The following ZNF844 variants were observed in gnomAD, a reference collection of about 807,000 sequenced individuals.
The protein encoded by ZNF844 is zinc finger protein 844.
Under a neutral mutation model 11.4 loss-of-function variants are expected in ZNF844, and 11 were observed. The observed-to-expected ratio is 0.97, with a 90% CI of 0.61 to 1.60. The LOEUF (loss-of-function observed/expected upper bound fraction) is 1.60, where lower values mean the gene tolerates loss of function less well. Among genes scored for constraint, ZNF844 ranks in the 40% most tolerant of loss-of-function variants. The pLI is 0.00. For synonymous variants in ZNF844, 248 were observed against 260.3 expected (o/e 0.95, Z 0.46); for missense variants, 790 against 796.8 (o/e 0.99, Z 0.10).
At chr19:12,069,995 G>T (rs1386412197) in intron 1 of ZNF844, among the ~76,000 whole-genome samples, 1 of 150,448 alleles carries the variant, frequency 6.6e-6, no homozygotes, top group African/African-American at 2.4e-5. Context: ...GGTGGCTCAT[G>T]CCTGTAATCC....
Position 12,075,469 on chromosome 19 carries a change from T to C in ZNF844, c.349T>C (p.Ser117Pro), listed in dbSNP as rs1171464496. 2 of 1,612,842 alleles carry C rather than the reference T, an allele frequency of 1.2e-6. No individual in the cohort carries two copies. The highest frequency in any genetic ancestry group is 1.3e-5 in the African/African-American group (1 of 74,848). ...VCGEVFVGHS[S>P]LNRHIRADTA... ...TGGAGAAGTCTTCGTGGGTCATTCT[T>C]CCCTTAATAGGCACATTAGAGCTGA... Residue 117 changes from serine to proline, a missense_variant, in exon 4 of 4, where the codon TCC becomes CCC. Transcript: ENST00000439326.
intron 1 of ZNF844, among the ~76,000 whole-genome samples, chr19:12,071,549 C>T (rs1352884112): frequency 2.6e-5 from 4 of 152,170 alleles, no homozygotes; most frequent in Non-Finnish European, 2.9e-5. Flanking sequence ...GAGAGGAAAG[C>T]ACTCAATAAC....
chr19:12,067,341 G>A (rs996592897), intron 1 of ZNF844, among the ~76,000 whole-genome samples: 3 of 152,126 alleles, frequency 2.0e-5, no homozygotes, highest in African/African-American at 7.2e-5. Flanking sequence ...GCCGGGTGCA[G>A]TGGCTTACGC....
At chr19:12,074,457 T>A in intron 3 of ZNF844, 36 bp downstream of exon 3, 1 of 1,397,336 alleles carries the variant, frequency 7.2e-7, no homozygotes, top group Non-Finnish European at 9.8e-7. Flanking sequence ...AATGTCTCTC[T>A]AGAAAATCTC....
rs1404522290 is a variant in ZNF844 at position 12,080,495 on chromosome 19, G to A, written c.*3374G>A. On this transcript the variant is annotated 3_prime_UTR_variant, in exon 4 of 4. Coordinates refer to ENST00000439326, the MANE Select transcript of ZNF844 (RefSeq NM_001136501.3). Reference sequence around the variant, plus strand: ...GGAAGTCATCAGTCACATTTTAGAGGCACCAAACAGGTGCCACATCCATAC... The same window carrying A: ...GGAAGTCATCAGTCACATTTTAGAGACACCAAACAGGTGCCACATCCATAC... The A allele has an allele frequency of 4.3e-6, 1 of 235,118 alleles. No homozygotes were observed. The highest frequency in any genetic ancestry group is 1.6e-4 in the East Asian group (1 of 6,398). 14.6% of individuals were successfully genotyped at this position (235,118 alleles called of 1,614,324 possible). A position where few individuals can be genotyped will look rare whatever the true frequency, so the allele number is the denominator to read the frequency against.
intron 1 of ZNF844, among the ~76,000 whole-genome samples, chr19:12,071,708 T>C (rs1975754386): frequency 6.6e-6 from 1 of 151,732 alleles, no homozygotes; most frequent in Non-Finnish European, 1.5e-5. Context: ...TTTTTTTTTT[T>C]TTTTACTTGG....
At chr19:12,069,786 C>T (rs1014065285) in intron 1 of ZNF844, among the ~76,000 whole-genome samples, 5 of 151,470 alleles carry the variant, frequency 3.3e-5, no homozygotes, top group African/African-American at 1.2e-4. Flanking sequence ...GAAACCCCGT[C>T]TCTACTAAAA....
chr19:12,065,563 C>T (rs907380878), intron 1 of ZNF844, among the ~76,000 whole-genome samples: 2 of 151,854 alleles, frequency 1.3e-5, no homozygotes, highest in African/African-American at 4.8e-5. Context: ...AAGACGGAGA[C>T]AGAGTTAGCA....
chr19:12,076,551 T>C lies in ZNF844; in HGVS notation c.1431T>C (p.Asn477=). 3 of 1,609,188 alleles carry C rather than the reference T, an allele frequency of 1.9e-6. No individual in the cohort carries two copies. Among genetic ancestry groups the C allele is most frequent in the Non-Finnish European group, 1.7e-6 (2 of 1,177,898 alleles). Residue 477 remains asparagine, a synonymous_variant, in exon 4 of 4, where the codon AAT becomes AAC. Coordinates refer to ENST00000439326, the MANE Select transcript of ZNF844 (RefSeq NM_001136501.3). ...EGLTLKRNPM[N]VSSVVKPSFF... ...TCACACTCAAGAGAAACCCTATGAA[T>C]GTAAGCAGTGTGGTAAAGCCTTCAT...
At chr19:12,067,223 G>C (rs920653231) in intron 1 of ZNF844, among the ~76,000 whole-genome samples, 3 of 151,518 alleles carry the variant, frequency 2.0e-5, no homozygotes, top group African/African-American at 7.3e-5. Flanking sequence ...ATAATAATGA[G>C]ATTTCCCTGG....
At position 12,077,702 on chromosome 19, in the gene ZNF844, T is replaced by C; in HGVS notation, c.*581T>C. Reference sequence around the variant, plus strand: ...TTCTGGTGCATGAAAGGACTCACACTGTAGAGCAACCCTATGAATATAAGC... The same window carrying C: ...TTCTGGTGCATGAAAGGACTCACACCGTAGAGCAACCCTATGAATATAAGC... On this transcript the variant is annotated 3_prime_UTR_variant, in exon 4 of 4. Transcript: ENST00000439326. 2 of 471,054 alleles carry C rather than the reference T, an allele frequency of 4.2e-6. No individual in the cohort carries two copies. Among genetic ancestry groups the C allele is most frequent in the Non-Finnish European group, 8.4e-6 (2 of 238,016 alleles). The allele number at this position is 471,054 out of a possible 1,614,324, so 29.2% of individuals were successfully genotyped here. A position where few individuals can be genotyped will look rare whatever the true frequency, so the allele number is the denominator to read the frequency against.
At chr19:12,067,860 C>T (rs546049000) in intron 1 of ZNF844, among the ~76,000 whole-genome samples, 12 of 148,584 alleles carry the variant, frequency 8.1e-5, no homozygotes, top group South Asian at 6.4e-4. Context: ...TGCAGTGAGC[C>T]GAGATCGCGC....
chr19:12,069,032 C>G (rs907523134), intron 1 of ZNF844, among the ~76,000 whole-genome samples: 1 of 152,120 alleles, frequency 6.6e-6, no homozygotes, highest in African/African-American at 2.4e-5. Context: ...AATCTCAGAG[C>G]CCTGGAAAAC....
chr19:12,076,839 C>G lies in ZNF844; in HGVS notation c.1719C>G (p.Phe573Leu). ...AGCATTCAACAATTTCTCTTCCTTT[C>G]AAATACATGCAACAATGCACAGAGG... ...MEKHSTISLP[F>L]KYMQQCTEDR... The change falls in exon 4 of 4, where the codon TTC (phenylalanine) becomes TTG (leucine). Residue 573 changes from phenylalanine (F) to leucine (L), a missense_variant. Physicochemically the swap from Phe to Leu is conservative, Grantham distance 22. Coordinates refer to ENST00000439326, the MANE Select transcript of ZNF844 (RefSeq NM_001136501.3). The G allele has an allele frequency of 1.3e-6, 2 of 1,559,902 alleles. No homozygotes were observed. Among genetic ancestry groups the G allele is most frequent in the Non-Finnish European group, 1.7e-6 (2 of 1,151,388 alleles).
At chr19:12,069,273 C>T (rs1205687074) in intron 1 of ZNF844, among the ~76,000 whole-genome samples, 2 of 143,054 alleles carry the variant, frequency 1.4e-5, no homozygotes, top group Non-Finnish European at 3.0e-5. Context: ...ACCTCTGCCT[C>T]CTGGGTTCAA....
chr19:12,071,595 A>G (rs747235437), intron 1 of ZNF844, among the ~76,000 whole-genome samples: 8 of 152,094 alleles, frequency 5.3e-5, no homozygotes, highest in South Asian at 2.1e-4. Flanking sequence ...CTTGTGCCTG[A>G]TGACTCCTGG....
intron 1 of ZNF844, among the ~76,000 whole-genome samples, chr19:12,071,539 G>C (rs957984078): frequency 3.3e-5 from 5 of 152,152 alleles, no homozygotes; most frequent in African/African-American, 1.2e-4. Flanking sequence ...TACTGTTCAT[G>C]AGAGGAAAGC....
At chr19:12,071,318 T>C (rs1028893968) in intron 1 of ZNF844, among the ~76,000 whole-genome samples, 1 of 152,260 alleles carries the variant, frequency 6.6e-6, no homozygotes, top group African/African-American at 2.4e-5. Flanking sequence ...AGAATACTCT[T>C]GTCTCTAATC....
chr19:12,075,309 C>G lies in ZNF844; in HGVS notation c.192-3C>G. The G allele has an allele frequency of 7.2e-7, 1 of 1,394,354 alleles. No individual in the cohort carries two copies. The highest frequency in any genetic ancestry group is 1.8e-5 in the South Asian group (1 of 55,904). The allele number at this position is 1,394,354 out of a possible 1,614,324, so 86.4% of individuals were successfully genotyped here. On this transcript the variant is annotated splice_region_variant and splice_polypyrimidine_tract_variant and intron_variant, in intron 3 of 3. Coordinates refer to ENST00000439326, the MANE Select transcript of ZNF844 (RefSeq NM_001136501.3). Reference sequence around the variant, plus strand: ...TCAATAATGTGTTTCTCATTTTTCACAGAAGTCTTCTGGGAGAGAGAGTTG... The same window carrying G: ...TCAATAATGTGTTTCTCATTTTTCAGAGAAGTCTTCTGGGAGAGAGAGTTG...
Sources: allele counts gnomAD v4.1 joint callset (sites outside exome capture counted in the v4.1 genomes callset), GRCh38; gene constraint gnomAD v4.1.1; transcripts MANE v1.5; gene names NCBI Gene and HGNC (gene_info 2026-07-23, HGNC 2026-07-21).